TPCN2: variants seen among roughly 807,000 people sequenced by gnomAD.
TPCN2 encodes two pore channel protein 2.
Under a neutral mutation model 111.4 loss-of-function variants are expected in TPCN2, and 92 were observed. The observed-to-expected ratio is 0.83, with a 90% CI of 0.70 to 0.98. The LOEUF is 0.98. Among genes scored for constraint, TPCN2 ranks in the 50% least tolerant of loss-of-function variants. The pLI is 0.00. For missense variants in TPCN2, 995 were observed against 980.1 expected (o/e 1.02, Z -0.20); for synonymous variants, 405 against 414.5 (o/e 0.98, Z 0.28).
At chr11:69,082,203 A>G (rs548339630) in intron 18 of TPCN2, among the ~76,000 whole-genome samples, 1 of 152,320 alleles carries the variant, frequency 6.6e-6, no homozygotes, top group South Asian at 2.1e-4. Flanking sequence ...CTTCATACGC[A>G]CACACACGCG....
chr11:69,085,343 G>GGGGGGGGGGC, intron 20 of TPCN2, 57 bp downstream of exon 20: 5 of 581,854 alleles, frequency 8.6e-6, no homozygotes, highest in Non-Finnish European at 1.7e-5. Context: ...GGGTGGGCGG[G>GGGGGGGGGGC]AAGCCTTGGC....
In TPCN2 at chr11:69,055,334, G is replaced by A. The variant is rs891415329; in HGVS notation, c.411G>A (p.Ala137=). ...SVEVLCLLVF[A]ADLSVKGYLF... ...AGGTGCTCTGCCTGCTGGTCTTTGC[G>A]GCCGACCTCTCTGTGAAGGTGAGGC... Residue 137 remains alanine, a synonymous_variant, in exon 4 of 25, where the codon GCG becomes GCA. Transcript: ENST00000294309. The A allele has an allele frequency of 1.9e-6, 3 of 1,610,446 alleles. No individual in the cohort carries two copies. The highest frequency in any genetic ancestry group is 2.2e-5 in the East Asian group (1 of 44,854).
At chr11:69,064,980 T>TGC (rs1855202947) in intron 7 of TPCN2, among the ~76,000 whole-genome samples, 1 of 146,280 alleles carries the variant, frequency 6.8e-6, no homozygotes, top group Non-Finnish European at 1.5e-5. Context: ...ATGGTGTCTG[T>TGC]ATGTCTGTGT....
chr11:69,057,498 T>A (rs1470628608), intron 4 of TPCN2, 80 bp from the exon 5 acceptor site: 4 of 1,350,648 alleles, frequency 3.0e-6, no homozygotes, highest in Non-Finnish European at 4.3e-6. Flanking sequence ...GCCTGGTCCC[T>A]GCGCTGCGCA....
Position 69,072,041 on chromosome 11 carries a change from A to C in TPCN2, c.1061+18A>C. 6.3e-7 allele frequency: 1 copy of C among 1,599,624 alleles called. No individual in the cohort carries two copies. The highest frequency in any genetic ancestry group is 8.6e-7 in the Non-Finnish European group (1 of 1,168,964). ...CCTCAGGCGTGAGTGCTGGGCATGGACCCTCTTCTCCCTGAGGGTGGGTGC... is the reference window on the plus strand; with the variant it reads ...CCTCAGGCGTGAGTGCTGGGCATGGCCCCTCTTCTCCCTGAGGGTGGGTGC... On this transcript the variant is annotated intron_variant, in intron 11 of 24. Coordinates refer to ENST00000294309, the MANE Select transcript of TPCN2 (RefSeq NM_139075.4).
intron 5 of TPCN2, among the ~76,000 whole-genome samples, chr11:69,058,049 G>A (rs1854853768): frequency 1.3e-5 from 2 of 152,220 alleles, no homozygotes; most frequent in African/African-American, 4.8e-5. Flanking sequence ...GCCTCACCAT[G>A]CCCCGTAGTC....
chr11:69,057,797 C>A, intron 5 of TPCN2, 103 bp downstream of exon 5: 1 of 1,001,606 alleles, frequency 1.0e-6, no homozygotes, highest in Non-Finnish European at 1.6e-6. Context: ...CGCCAGCCAT[C>A]CTGCCCACCC....
At chr11:69,058,495 G>A (rs1854874412) in intron 5 of TPCN2, among the ~76,000 whole-genome samples, 1 of 147,140 alleles carries the variant, frequency 6.8e-6, no homozygotes, top group African/African-American at 2.4e-5. Context: ...CCTCCCAGAA[G>A]CTCAATGAGG....
intron 2 of TPCN2, 36 bp from the exon 3 acceptor site, chr11:69,054,685 A>G: frequency 6.3e-7 from 1 of 1,597,674 alleles, no homozygotes; most frequent in Non-Finnish European, 8.6e-7. Context: ...CCCTGCATGC[A>G]CCCATGTCAT....
At chr11:69,078,126 G>A (rs1855867135) in intron 13 of TPCN2, among the ~76,000 whole-genome samples, 4 of 151,668 alleles carry the variant, frequency 2.6e-5, no homozygotes, top group Admixed American at 2.6e-4. Context: ...CTGTAGCTAT[G>A]AGTATATCAC....
In TPCN2 at chr11:69,062,983, A is replaced by G. The variant is rs1855089706; in HGVS notation, c.646A>G (p.Met216Val). 6.2e-7 allele frequency: 1 copy of G among 1,613,648 alleles called. No individual in the cohort carries two copies. Among genetic ancestry groups the G allele is most frequent in the African/African-American group, 1.3e-5 (1 of 74,922 alleles). Residue 216 changes from methionine (M) to valine (V), a missense_variant, in exon 6 of 25, where the codon ATG becomes GTG. By Grantham distance (21) the Met-to-Val change is conservative. Coordinates refer to ENST00000294309, the MANE Select transcript of TPCN2 (RefSeq NM_139075.4). ...ATGCATCCGCTGGTCGCTGCCGGAA[A>G]TGGCCAGGTGGGCTCTTGGTGCTCT... The part of the protein sequence containing the change: ...LKCIRWSLPE[M>V]ASVGLLLAIH...
intron 13 of TPCN2, among the ~76,000 whole-genome samples, chr11:69,076,576 CT>C (rs1855762097): frequency 2.7e-5 from 4 of 149,432 alleles, no homozygotes; most frequent in Non-Finnish European, 3.0e-5. Context: ...TGCCCTCCTG[CT>C]CTGTCCCTCC....
chr11:69,066,903 G>A (rs2134567451), intron 7 of TPCN2, among the ~76,000 whole-genome samples: 1 of 152,334 alleles, frequency 6.6e-6, no homozygotes, highest in South Asian at 2.1e-4. Context: ...AACACTGCAT[G>A]TGCCAGCTGT....
chr11:69,066,380 C>T (rs534555564), intron 7 of TPCN2, among the ~76,000 whole-genome samples: 3 of 152,310 alleles, frequency 2.0e-5, no homozygotes, highest in East Asian at 1.9e-4. Flanking sequence ...TGTCCCTACC[C>T]GTGGCTCTGT....
At position 69,088,729 on chromosome 11, in the gene TPCN2, G is replaced by A. The variant is rs978452768; in HGVS notation, c.*776G>A. 4 of 152,118 alleles carry A rather than the reference G, an allele frequency of 2.6e-5. No homozygotes were observed. Among genetic ancestry groups the A allele is most frequent in the African/African-American group, 9.7e-5 (4 of 41,376 alleles). The allele number at this position is 152,118 out of a possible 1,614,324, so 9.4% of individuals were successfully genotyped here. On this transcript the variant is annotated 3_prime_UTR_variant, in exon 25 of 25. Transcript: ENST00000294309. ...TCCTGTGTCTTCAGGTGTGTGGCAGGGGGCCTGGGGTGGGGAGGTGGGGCG... is the reference window on the plus strand; with the variant it reads ...TCCTGTGTCTTCAGGTGTGTGGCAGAGGGCCTGGGGTGGGGAGGTGGGGCG...
Position 69,069,739 on chromosome 11 carries a change from AC to A in TPCN2, c.830-689del, listed in dbSNP as rs1243768550. Among the ~76,000 whole-genome samples, 23 of 121,674 alleles carry A rather than the reference AC, an allele frequency of 1.9e-4. 3 individuals are homozygous for A. The highest frequency in any genetic ancestry group is 6.3e-4 in the Admixed American group (8 of 12,758). 79.8% of individuals were successfully genotyped at this position (121,674 alleles called of 152,430 possible). The stretch of plus-strand genomic sequence containing the variant: ...AGGACCGTCTGAGTCCTAGGAAGTG[AC>A]CGCACTGGGAGCAGGACCGTCTGAG... On this transcript the variant is annotated intron_variant, in intron 8 of 24. Transcript: ENST00000294309.
chr11:69,067,437 G>T, intron 7 of TPCN2, 66 bp from the exon 8 acceptor site: 2 of 1,455,900 alleles, frequency 1.4e-6, no homozygotes, highest in South Asian at 1.1e-5. Flanking sequence ...TTGGGTCCGG[G>T]GCCTGGAGCT....
At chr11:69,084,226 G>A (rs1344305788) in intron 19 of TPCN2, among the ~76,000 whole-genome samples, 1 of 152,214 alleles carries the variant, frequency 6.6e-6, no homozygotes, top group Non-Finnish European at 1.5e-5. Flanking sequence ...AGCTCGGGTG[G>A]TGTGGCTGGT....
At chr11:69,052,314 C>G (rs544965073) in intron 1 of TPCN2, among the ~76,000 whole-genome samples, 17 of 152,150 alleles carry the variant, frequency 1.1e-4, no homozygotes, top group African/African-American at 4.1e-4. Context: ...ACCGGCCCCC[C>G]AGGCTCCCCT....
Sources: gnomAD v4.1 joint callset for allele counts (sites outside exome capture counted in the v4.1 genomes callset) on GRCh38, gnomAD v4.1.1 for gene constraint, MANE v1.5 for transcripts, NCBI Gene and HGNC (gene_info 2026-07-23, HGNC 2026-07-21) for gene names.